Variants in SLIT3 observed in about 807,000 individuals in gnomAD.
SLIT3 encodes slit guidance ligand 3.
In SLIT3, 68 loss-of-function variants were observed where a neutral mutation model predicts 184.0. The ratio of observed to expected loss-of-function variants is 0.37; its 90% CI spans 0.30 to 0.45. The LOEUF is 0.45. SLIT3 is among the 20% of genes least tolerant of loss of function. The pLI, the probability that SLIT3 is intolerant of heterozygous loss-of-function variation, is 1.00. For synonymous variants in SLIT3, 831 were observed against 828.6 expected (o/e 1.00, Z -0.05); for missense variants, 1,707 against 2,026.0 (o/e 0.84, Z 3.02).
At chr5:168,725,542 A>T (rs1763083466) in intron 20 of SLIT3, among the ~76,000 whole-genome samples, 1 of 152,244 alleles carries the variant, frequency 6.6e-6, no homozygotes, top group Admixed American at 6.5e-5. Flanking sequence ...ACACATAGCC[A>T]CTGCTGTCCA....
intron 4 of SLIT3, among the ~76,000 whole-genome samples, chr5:168,964,782 A>C (rs978621939): frequency 2.0e-4 from 30 of 152,206 alleles, no homozygotes; most frequent in African/African-American, 7.0e-4. Flanking sequence ...CCCTCTGGAG[A>C]TAAGCAAAGG....
At position 168,843,605 on chromosome 5, in the gene SLIT3, C is replaced by T. The variant is rs1006557766; in HGVS notation, c.557+979G>A. On this transcript the variant is annotated intron_variant, in intron 6 of 35. Coordinates refer to ENST00000519560, the MANE Select transcript of SLIT3 (RefSeq NM_003062.4). ...ATGAGGAAACTGAGGCTCCCAGAGC[C>T]GAAGAGACTTGCCCAAGGTCACACG... Among the ~76,000 whole-genome samples, 8 of 152,180 alleles carry T rather than the reference C, an allele frequency of 5.3e-5. No individual in the cohort carries two copies. The East Asian group carries it at 9.7e-4, about 18-fold the overall frequency.
chr5:168,753,179 T>C, intron 17 of SLIT3, 81 bp from the exon 18 acceptor site: 1 of 1,474,938 alleles, frequency 6.8e-7, no homozygotes. Flanking sequence ...TGTGTGTGTG[T>C]GTATAGGTGA....
At chr5:169,173,040 T>C (rs1762864907) in intron 4 of SLIT3, among the ~76,000 whole-genome samples, 1 of 152,134 alleles carries the variant, frequency 6.6e-6, no homozygotes, top group Non-Finnish European at 1.5e-5. Context: ...GAGGGGTGGA[T>C]ACCTTGAGGT....
intron 35 of SLIT3, among the ~76,000 whole-genome samples, chr5:168,666,982 C>T (rs546676017): frequency 1.1e-4 from 17 of 152,258 alleles, no homozygotes; most frequent in Middle Eastern, 3.4e-3. Flanking sequence ...AACTAGATGA[C>T]GCAAACTGAT....
At chr5:169,222,975 G>A (rs942146790) in intron 3 of SLIT3, among the ~76,000 whole-genome samples, 13 of 152,148 alleles carry the variant, frequency 8.5e-5, no homozygotes, top group African/African-American at 2.4e-4. Flanking sequence ...GCTTCTCACC[G>A]GAGAAACTAG....
chr5:169,059,249 G>A (rs1242870764), intron 4 of SLIT3, among the ~76,000 whole-genome samples: 2 of 152,122 alleles, frequency 1.3e-5, no homozygotes, highest in Non-Finnish European at 2.9e-5. Flanking sequence ...AAGACACCAA[G>A]TGAAAAAAGG....
At chr5:168,968,443 C>T (rs1581254459) in intron 4 of SLIT3, among the ~76,000 whole-genome samples, 1 of 152,206 alleles carries the variant, frequency 6.6e-6, no homozygotes, top group East Asian at 1.9e-4. Context: ...CTCTTCACTG[C>T]CATCATTGTC....
At position 169,026,520 on chromosome 5, in the gene SLIT3, T is replaced by C. The variant is rs1561616149; in HGVS notation, c.414-143184A>G. The C allele has an allele frequency of 4.6e-5, 7 of 152,302 alleles. No homozygotes were observed. The South Asian group carries it at 1.5e-3, about 32-fold the overall frequency. The allele number at this position is 152,302 out of a possible 1,614,324, so 9.4% of individuals were successfully genotyped here. A position where few individuals can be genotyped will look rare whatever the true frequency, so the allele number is the denominator to read the frequency against. ...CCACACAATGGAACACCGTGCAGGA[T>C]TATGATATACAGACTGCTGAAGATC... On this transcript the variant is annotated intron_variant, in intron 4 of 35. Coordinates refer to ENST00000519560, the MANE Select transcript of SLIT3 (RefSeq NM_003062.4).
At chr5:169,173,950 G>A (rs1338683757) in intron 4 of SLIT3, among the ~76,000 whole-genome samples, 3 of 152,196 alleles carry the variant, frequency 2.0e-5, no homozygotes, top group Admixed American at 6.5e-5. Flanking sequence ...ACAGTGATGG[G>A]TCTAGGGAAA....
intron 8 of SLIT3, among the ~76,000 whole-genome samples, chr5:168,807,047 C>A (rs764302665): frequency 1.3e-5 from 2 of 152,136 alleles, no homozygotes; most frequent in African/African-American, 4.8e-5. Flanking sequence ...TCCCCATTTG[C>A]GGCATTGATG....
At chr5:169,004,298 A>G (rs186128497) in intron 4 of SLIT3, among the ~76,000 whole-genome samples, 1 of 152,336 alleles carries the variant, frequency 6.6e-6, no homozygotes, top group African/African-American at 2.4e-5. Flanking sequence ...CCATGCCCAG[A>G]GGCACAGGTA....
chr5:168,838,791 G>A (rs1266075873), intron 6 of SLIT3, among the ~76,000 whole-genome samples: 1 of 152,104 alleles, frequency 6.6e-6, no homozygotes, highest in African/African-American at 2.4e-5. Flanking sequence ...TACCTGTGGG[G>A]TTCCGCATCA....
intron 5 of SLIT3, among the ~76,000 whole-genome samples, chr5:168,879,525 T>C (rs1050331079): frequency 1.3e-5 from 2 of 152,214 alleles, no homozygotes; most frequent in Admixed American, 1.3e-4. Flanking sequence ...TTCTCCTCCA[T>C]GAAGCATCAG....
intron 9 of SLIT3, among the ~76,000 whole-genome samples, chr5:168,805,325 A>AGAGGAGGAG (rs1023303904): frequency 6.6e-6 from 1 of 152,006 alleles, no homozygotes; most frequent in Non-Finnish European, 1.5e-5. Flanking sequence ...AGGAGGGGGA[A>AGAGGAGGAG]GAGGAGGAGG....
At chr5:168,731,701 A>G (rs1763295151) in intron 20 of SLIT3, among the ~76,000 whole-genome samples, 1 of 152,154 alleles carries the variant, frequency 6.6e-6, no homozygotes, top group South Asian at 2.1e-4. Context: ...AAGGACAAAA[A>G]CCATATGATC....
intron 4 of SLIT3, among the ~76,000 whole-genome samples, chr5:168,885,156 G>T (rs1484260193): frequency 6.6e-6 from 1 of 152,160 alleles, no homozygotes; most frequent in Non-Finnish European, 1.5e-5. Context: ...TAGCTAAAAC[G>T]AAACTTGACG....
chr5:169,045,810 G>C lies in SLIT3; in HGVS notation c.413+147669C>G, dbSNP rs72826574. On this transcript the variant is annotated intron_variant, in intron 4 of 35. Coordinates refer to ENST00000519560, the MANE Select transcript of SLIT3 (RefSeq NM_003062.4). ...TACACTTCATGTTCCCATAGCACCTGGTGAGTCCTCCGATTTTACCATACA... is the reference window on the plus strand; with the variant it reads ...TACACTTCATGTTCCCATAGCACCTCGTGAGTCCTCCGATTTTACCATACA... Among the ~76,000 whole-genome samples the C allele has an allele frequency of 5.6e-3, 855 of 152,240 alleles. 5 individuals are homozygous for C. The highest frequency in any genetic ancestry group is 7.3e-3 in the Non-Finnish European group (498 of 68,008).
intron 12 of SLIT3, among the ~76,000 whole-genome samples, chr5:168,785,232 A>C (rs900848706): frequency 6.6e-6 from 1 of 152,230 alleles, no homozygotes; most frequent in African/African-American, 2.4e-5. Context: ...ACCAGCACAA[A>C]AATTAAACTA....
Sources: gnomAD v4.1 joint callset for allele counts (sites outside exome capture counted in the v4.1 genomes callset) on GRCh38, gnomAD v4.1.1 for gene constraint, MANE v1.5 for transcripts, NCBI Gene and HGNC (gene_info 2026-07-23, HGNC 2026-07-21) for gene names.